Variants in TCOF1 observed in about 807,000 individuals in gnomAD.
TCOF1 encodes the protein treacle protein.
Under a neutral mutation model 149.0 loss-of-function variants are expected in TCOF1, and 33 were observed. The observed-to-expected ratio is 0.22, with a 90% CI of 0.17 to 0.30. The LOEUF (loss-of-function observed/expected upper bound fraction) is 0.30. TCOF1 is among the 10% of genes least tolerant of loss of function. TCOF1 has a pLI of 1.00. For missense variants in TCOF1, 1,728 were observed against 1,840.7 expected (o/e 0.94, Z 1.12); for synonymous variants, 789 against 738.8 (o/e 1.07, Z -1.10).
In TCOF1 at chr5:150,396,684, C is replaced by T. The variant is rs763264058; in HGVS notation, c.4187C>T (p.Ala1396Val). 4.3e-6 allele frequency: 7 copies of T among 1,612,466 alleles called. No individual in the cohort carries two copies. The highest frequency in any genetic ancestry group is 5.9e-6 in the Non-Finnish European group (7 of 1,179,404). ...AAGGGGAAAGCAAAGAGAGACAAAG[C>T]AAGTGGTGATGTCAAGGAGAAGAAA... ...TSKGKAKRDK[A>V]SGDVKEKKGK... The change falls in exon 24 of 27, where the codon GCA becomes GTA. Residue 1396 changes from alanine to valine, a missense_variant. By Grantham distance (64) the Ala-to-Val change is moderately conservative (BLOSUM62 0). Transcript: ENST00000643257.
In TCOF1 at chr5:150,396,478, A is replaced by G. The variant is rs1768537383; in HGVS notation, c.3981A>G (p.Glu1327=). The change falls in exon 24 of 27, where the codon GAA becomes GAG. Residue 1327 remains glutamate, a synonymous_variant. Transcript: ENST00000643257. Reference sequence around the variant, plus strand: ...TCCTGACTGAGCTGCTGGAACAGGAAAGAAAGAAGGTGGTGGACACCACCA... The same window carrying G: ...TCCTGACTGAGCTGCTGGAACAGGAGAGAAAGAAGGTGGTGGACACCACCA... ...VKVLTELLEQ[E]RKKVVDTTKE... 1 of 1,613,836 alleles carries G rather than the reference A, an allele frequency of 6.2e-7. No homozygotes were observed. The highest frequency in any genetic ancestry group is 1.3e-5 in the African/African-American group (1 of 74,916).
At chr5:150,361,895 T>A (rs1760193178) in intron 2 of TCOF1, among the ~76,000 whole-genome samples, 1 of 152,158 alleles carries the variant, frequency 6.6e-6, no homozygotes, top group South Asian at 2.1e-4. Flanking sequence ...ATGGGCTGGT[T>A]ATCCATGGTG....
intron 20 of TCOF1, 75 bp from the exon 21 acceptor site, chr5:150,391,882 C>CT: frequency 6.9e-7 from 1 of 1,455,120 alleles, no homozygotes; most frequent in Admixed American, 1.9e-5. Flanking sequence ...CCTGGCCCTA[C>CT]TGAAGTGTTC....
chr5:150,393,484 A>C lies in TCOF1; in HGVS notation c.3716A>C (p.Lys1239Thr). The C allele has an allele frequency of 1.9e-6, 3 of 1,614,220 alleles. No homozygotes were observed. In the African/African-American group the frequency reaches 4.0e-5, roughly 22 times the overall value. Residue 1239 changes from lysine to threonine, a missense_variant, in exon 23 of 27, where the codon AAA becomes ACA. Physicochemically the swap from Lys to Thr is moderately conservative, Grantham distance 78. Transcript: ENST00000643257. ...SPSVSSTLAA[K>T]DDPDGKQEAK... ...TCAGTTTCCTCTACTCTGGCCGCCA[A>C]AGATGACCCAGATGGCAAGCAGGAG...
At chr5:150,369,451 G>A (rs988198168) in intron 5 of TCOF1, 78 bp from the exon 6 acceptor site, 7 of 1,554,730 alleles carry the variant, frequency 4.5e-6, no homozygotes, top group Middle Eastern at 1.7e-4. Context: ...TGAGCAGCTG[G>A]TTTGTGGGGA....
At position 150,379,692 on chromosome 5, in the gene TCOF1, A is replaced by T; in HGVS notation, c.2819A>T (p.Asp940Val). The change falls in exon 17 of 27, where the codon GAC becomes GTC. Residue 940 changes from aspartate to valine, a missense_variant. Coordinates refer to ENST00000643257, the MANE Select transcript of TCOF1 (RefSeq NM_001371623.1). ...DDSGSSSEES[D>V]SDGEAPAAVT... ...TCAGGGAGCAGCAGCGAGGAATCAG[A>T]CAGTGATGGGGAGGCACCGGCAGCT... 1 of 1,614,236 alleles carries T rather than the reference A, an allele frequency of 6.2e-7. No individual in the cohort carries two copies. Among genetic ancestry groups the T allele is most frequent in the African/African-American group, 1.3e-5 (1 of 75,068 alleles).
chr5:150,367,493 G>C, intron 3 of TCOF1: 1 of 345,112 alleles, frequency 2.9e-6, no homozygotes, highest in South Asian at 2.5e-5. Context: ...CAGTGTGGTG[G>C]CCTGTGTGAA....
At chr5:150,371,919 T>C (rs924593479) in intron 6 of TCOF1, 87 bp from the exon 7 acceptor site, 43 of 1,210,940 alleles carry the variant, frequency 3.6e-5, no homozygotes, top group Admixed American at 7.7e-5. Context: ...AGGAAAGAGC[T>C]TTATCAACTG....
intron 17 of TCOF1, among the ~76,000 whole-genome samples, chr5:150,385,871 T>G (rs13436529): frequency 0.015 from 2,293 of 149,478 alleles, 71 homozygotes; most frequent in African/African-American, 0.056. Flanking sequence ...CTCCCATCAG[T>G]TTTTTTTCTA....
In TCOF1 at chr5:150,376,914, G is replaced by C. The variant is rs2569061; in HGVS notation, c.2340+294G>C. ...TGCCCTTGTCTGGGGTTGCTGAGGC[G>C]CTGTTCCTCAGGGAAGTCCTGTCTC... On this transcript the variant is annotated intron_variant, in intron 14 of 26. Coordinates refer to ENST00000643257, the MANE Select transcript of TCOF1 (RefSeq NM_001371623.1). Among the ~76,000 whole-genome samples the C allele has an allele frequency of 0.99, 150,128 of 152,338 alleles. 73,988 individuals are homozygous for C. Among genetic ancestry groups the C allele is most frequent in the East Asian group, 1 (5,178 of 5,180 alleles).
Position 150,372,101 on chromosome 5 carries a change from G to C in TCOF1, c.735G>C (p.Val245=), listed in dbSNP as rs767978317. 1.9e-6 allele frequency: 3 copies of C among 1,614,238 alleles called. No individual in the cohort carries two copies. In the Admixed American group the frequency reaches 5.0e-5, roughly 27 times the overall value. The change falls in exon 7 of 27, where the codon GTG becomes GTC. Residue 245 remains valine (V), a synonymous_variant. Coordinates refer to ENST00000643257, the MANE Select transcript of TCOF1 (RefSeq NM_001371623.1). ...ARKAAPAPGK[V]GDVTPQVKGG... is the part of the protein sequence containing the mutation. ...AGGCGGCCCCAGCCCCTGGGAAGGT[G>C]GGGGATGTGACACCCCAGGTCAAAG... is the stretch of plus-strand genomic sequence containing the variant.
rs1562259970 is a variant in TCOF1 at position 150,357,698 on chromosome 5, G to A, written c.-49G>A. On this transcript the variant is annotated 5_prime_UTR_variant, in exon 1 of 27. Transcript: ENST00000643257. Reference sequence around the variant, plus strand: ...AAGGGCGCGAGGGAAGTGGCGGGCGGGGACTAAGGCGGGGCGTGCAGGTAG... The same window carrying A: ...AAGGGCGCGAGGGAAGTGGCGGGCGAGGACTAAGGCGGGGCGTGCAGGTAG... 1 of 1,503,444 alleles carries A rather than the reference G, an allele frequency of 6.7e-7. No individual in the cohort carries two copies. The highest frequency in any genetic ancestry group is 2.5e-5 in the East Asian group (1 of 40,552). 93.1% of individuals were successfully genotyped at this position (1,503,444 alleles called of 1,614,324 possible).
rs1431691443 is a variant in TCOF1, at chr5:150,374,157, CCT to C, written c.871-16_871-15del. The C allele has an allele frequency of 6.2e-7, 1 of 1,607,116 alleles. No homozygotes were observed. Among genetic ancestry groups the C allele is most frequent in the Non-Finnish European group, 8.5e-7 (1 of 1,176,958 alleles). Reference sequence around the variant, plus strand: ...TTTCACAAGCAGGAGAGCAAGCTGCCCTTTCTTTTTCACCAGGTAAAGGCCTC... The same window carrying C: ...TTTCACAAGCAGGAGAGCAAGCTGCCTTCTTTTTCACCAGGTAAAGGCCTC... On this transcript the variant is annotated splice_polypyrimidine_tract_variant and intron_variant, in intron 7 of 26. Coordinates refer to ENST00000643257, the MANE Select transcript of TCOF1 (RefSeq NM_001371623.1).
chr5:150,379,401 T>G lies in TCOF1; in HGVS notation c.2651T>G (p.Leu884Arg). The G allele has an allele frequency of 6.2e-7, 1 of 1,613,540 alleles. No homozygotes were observed. Among genetic ancestry groups the G allele is most frequent in the Middle Eastern group, 1.7e-4 (1 of 6,056 alleles). Residue 884 changes from leucine to arginine, a missense_variant, in exon 16 of 27, where the codon CTG (leucine) becomes CGG (arginine). By Grantham distance (102) the Leu-to-Arg change is moderately radical (BLOSUM62 -2). Around this residue, in one of 2 missense-constraint regions of TCOF1, gnomAD observed 1,696 missense variants for 1,765.4 expected, o/e 0.96. Coordinates refer to ENST00000643257, the MANE Select transcript of TCOF1 (RefSeq NM_001371623.1). ...ESDSEEEAET[L>R]AQVKPSGKTH... ...GACAGTGAGGAGGAGGCGGAGACGC[T>G]GGCTCAGGTGAGGGGGAGGGAATGG...
rs2150698379 is a variant in TCOF1 at position 150,374,793 on chromosome 5, G to A, written c.1260G>A (p.Glu420=). The A allele has an allele frequency of 6.2e-7, 1 of 1,609,158 alleles. No homozygotes were observed. Among genetic ancestry groups the A allele is most frequent in the Non-Finnish European group, 8.5e-7 (1 of 1,178,110 alleles). The change falls in exon 9 of 27, where the codon GAG becomes GAA. Residue 420 remains glutamate, a synonymous_variant. Coordinates refer to ENST00000643257, the MANE Select transcript of TCOF1 (RefSeq NM_001371623.1). ...SQSSSEESDS[E]EEAPAQAKPS... ...GCAGCAGCGAGGAATCGGACAGTGA[G>A]GAGGAGGCGCCTGCTCAGGTGAGGC...
intron 1 of TCOF1, among the ~76,000 whole-genome samples, chr5:150,358,703 G>A (rs1378921352): frequency 6.6e-6 from 1 of 152,170 alleles, no homozygotes; most frequent in Non-Finnish European, 1.5e-5. Context: ...TGGGCATGTT[G>A]GCGCACGCCT....
rs575486051 is a variant in TCOF1, at chr5:150,361,818, CT to C, written c.164+608del. Reference sequence around the variant, plus strand: ...GGAGTGTACCTGCCAGTGGAAATTGCTAATGCTAAGTCCTGTGGCTGGTGGA... The same window carrying C: ...GGAGTGTACCTGCCAGTGGAAATTGCAATGCTAAGTCCTGTGGCTGGTGGA... On this transcript the variant is annotated intron_variant, in intron 2 of 26. Transcript: ENST00000643257. 5.9e-5 allele frequency among the ~76,000 whole-genome samples: 9 copies of C among 152,210 alleles called. No individual in the cohort carries two copies. The South Asian group carries it at 1.7e-3, about 28-fold the overall frequency.
intron 25 of TCOF1, 114 bp downstream of exon 25, chr5:150,398,565 C>T (rs980351193): frequency 2.1e-5 from 32 of 1,527,780 alleles, no homozygotes; most frequent in South Asian, 6.9e-5. Flanking sequence ...CAGTCGGGGG[C>T]GTCAGGGGTT....
intron 17 of TCOF1, among the ~76,000 whole-genome samples, 163 bp from the exon 18 acceptor site, chr5:150,387,739 G>A (rs1323579771): frequency 6.6e-6 from 1 of 152,168 alleles, no homozygotes; most frequent in Non-Finnish European, 1.5e-5. Flanking sequence ...GCAGATGTGT[G>A]GGGTGGGAGG....
Sources: gnomAD v4.1 joint callset for allele counts (sites outside exome capture counted in the v4.1 genomes callset) on GRCh38, gnomAD v4.1.1 for gene constraint, gnomAD v4.1.1 regional missense constraint, MANE v1.5 for transcripts, NCBI Gene and HGNC (gene_info 2026-07-23, HGNC 2026-07-21) for gene names.